DGLUCY: variants seen among roughly 807,000 people sequenced by gnomAD.
DGLUCY encodes the protein D-glutamate cyclase, also known as D-glutamate cyclase, mitochondrial.
DGLUCY carries 58 observed loss-of-function variants against 58.5 expected under a neutral mutation model. The observed-to-expected ratio is 0.99, with a 90% confidence interval of 0.80 to 1.23. The LOEUF (loss-of-function observed/expected upper bound fraction) is 1.23. DGLUCY is among the 50% of genes most tolerant of loss of function. The pLI is 0.00. For synonymous variants in DGLUCY, 325 were observed against 314.1 expected (o/e 1.03, Z -0.37); for missense variants, 779 against 784.7 (o/e 0.99, Z 0.09).
At chr14:91,154,951 G>A (rs1406572713) in intron 1 of DGLUCY, among the ~76,000 whole-genome samples, 3 of 152,036 alleles carry the variant, frequency 2.0e-5, no homozygotes, top group Non-Finnish European at 4.4e-5. Context: ...TCTGCAGCAC[G>A]GACAGCTGGT....
intron 1 of DGLUCY, among the ~76,000 whole-genome samples, chr14:91,097,638 T>C (rs2044416786): frequency 6.6e-6 from 1 of 150,990 alleles, no homozygotes; most frequent in Non-Finnish European, 1.5e-5. Flanking sequence ...TGACCCCATG[T>C]CTCTCTCTAC....
At chr14:91,067,796 C>T (rs2043848093) in intron 1 of DGLUCY, among the ~76,000 whole-genome samples, 1 of 152,096 alleles carries the variant, frequency 6.6e-6, no homozygotes. Context: ...GCAATCCACC[C>T]ACCTCGGCCT....
intron 1 of DGLUCY, among the ~76,000 whole-genome samples, chr14:91,139,127 G>A (rs2046506781): frequency 6.6e-6 from 1 of 152,112 alleles, no homozygotes; most frequent in Admixed American, 6.6e-5. Flanking sequence ...CTGCAAGCTG[G>A]AGATAAGGAC....
At chr14:91,171,060 C>A (rs2048550868) in intron 5 of DGLUCY, among the ~76,000 whole-genome samples, 1 of 152,126 alleles carries the variant, frequency 6.6e-6, no homozygotes, top group Admixed American at 6.6e-5. Context: ...GGGATGGGAC[C>A]CCAGCCACTG....
intron 1 of DGLUCY, among the ~76,000 whole-genome samples, chr14:91,096,919 C>T (rs1388868264): frequency 6.6e-6 from 1 of 152,214 alleles, no homozygotes; most frequent in Non-Finnish European, 1.5e-5. Context: ...GGGCATGCTG[C>T]CCATGAAACA....
chr14:91,199,690 G>A (rs2050433712), intron 10 of DGLUCY, 67 bp from the exon 11 acceptor site: 1 of 1,557,474 alleles, frequency 6.4e-7, no homozygotes, highest in Non-Finnish European at 8.8e-7. Context: ...ACACAAGAAG[G>A]CATGACCCAG....
At chr14:91,128,066 C>T (rs112365528) in intron 1 of DGLUCY, among the ~76,000 whole-genome samples, 6,305 of 152,114 alleles carry the variant, frequency 0.041, 156 homozygotes, top group Middle Eastern at 0.068. Flanking sequence ...GGAGACCCCA[C>T]CTTACACCCA....
intron 12 of DGLUCY, among the ~76,000 whole-genome samples, chr14:91,210,137 G>A (rs981201929): frequency 6.6e-6 from 1 of 152,008 alleles, no homozygotes; most frequent in Non-Finnish European, 1.5e-5. Context: ...ATCTCTACAG[G>A]CAAATGCCTG....
chr14:91,067,599 A>G lies in DGLUCY; in HGVS notation c.-82+6895A>G, dbSNP rs549191204. Among the ~76,000 whole-genome samples, 21 of 151,658 alleles carry G rather than the reference A, an allele frequency of 1.4e-4. No individual in the cohort carries two copies. The East Asian group carries it at 3.5e-3, about 25-fold the overall frequency. ...GGCCTTACTCTGTTCCACAGACCAG[A>G]GTGTAATGGCACGATCTCGGCTCAC... is the stretch of plus-strand genomic sequence containing the variant. On this transcript the variant is annotated intron_variant, in intron 1 of 4. Coordinates refer to the DGLUCY transcript ENST00000521334.
chr14:91,125,203 A>G (rs922462926), intron 1 of DGLUCY, among the ~76,000 whole-genome samples: 11 of 152,160 alleles, frequency 7.2e-5, no homozygotes, highest in Admixed American at 7.2e-4. Context: ...TGGCGAGTGT[A>G]CCCTTTCTGC....
At chr14:91,074,310 A>ATATAT (rs1225889333) in intron 1 of DGLUCY, among the ~76,000 whole-genome samples, 4 of 138,092 alleles carry the variant, frequency 2.9e-5, no homozygotes, top group Non-Finnish European at 6.2e-5. Context: ...AAAAAAAAAA[A>ATATAT]AAATATATAT....
In DGLUCY at chr14:91,203,943, C is replaced by T. The variant is rs1309724310; in HGVS notation, c.1445-763C>T. 2.6e-5 allele frequency among the ~76,000 whole-genome samples: 4 copies of T among 152,182 alleles called. No individual in the cohort carries two copies. The South Asian group carries it at 6.2e-4, about 24-fold the overall frequency. On this transcript the variant is annotated intron_variant, in intron 11 of 13. Transcript: ENST00000256324. ...CTCCCTGCCTTGGCCTCCCAAAGTG[C>T]TGGGATTACAGGCATGAGCCACTGC... is the stretch of plus-strand genomic sequence containing the variant.
Position 91,160,400 on chromosome 14 carries a change from A to C in DGLUCY, c.103+3A>C. On this transcript the variant is annotated splice_donor_region_variant and intron_variant, in intron 3 of 13. Transcript: ENST00000256324. ...AAATACATCCAGCATGGCTGGAGGT[A>C]AGTGGTGCCAGATAGTTAAAAAAAA... The C allele has an allele frequency of 9.4e-7, 1 of 1,062,482 alleles. No homozygotes were observed. Among genetic ancestry groups the C allele is most frequent in the Non-Finnish European group, 1.4e-6 (1 of 700,524 alleles). 65.8% of individuals were successfully genotyped at this position (1,062,482 alleles called of 1,614,324 possible).
chr14:91,179,293 A>G (rs1232895493), intron 7 of DGLUCY, among the ~76,000 whole-genome samples: 1 of 152,066 alleles, frequency 6.6e-6, no homozygotes, highest in Non-Finnish European at 1.5e-5. Flanking sequence ...GTAAGATACT[A>G]CGTGGTTCAG....
chr14:91,199,366 T>C (rs2050411382), intron 10 of DGLUCY, among the ~76,000 whole-genome samples: 2 of 152,024 alleles, frequency 1.3e-5, no homozygotes, highest in Admixed American at 1.3e-4. Flanking sequence ...TTCAAGTGAT[T>C]CTTCTGCATC....
At chr14:91,181,067 G>A (rs2140454182) in intron 7 of DGLUCY, 119 bp from the exon 8 acceptor site, 1 of 835,056 alleles carries the variant, frequency 1.2e-6, no homozygotes, top group Non-Finnish European at 1.9e-6. Flanking sequence ...GGTGGTATAG[G>A]GAGTGCTTAG....
upstream of DGLUCY, among the ~76,000 whole-genome samples, chr14:91,105,044 G>A (rs74368745): frequency 0.012 from 1,790 of 152,264 alleles, 27 homozygotes; most frequent in African/African-American, 0.04. Flanking sequence ...GCTGGGCATT[G>A]TAGCTCACGC....
chr14:91,182,994 T>G (rs1018454801), intron 8 of DGLUCY, among the ~76,000 whole-genome samples: 1 of 151,578 alleles, frequency 6.6e-6, no homozygotes, highest in South Asian at 2.1e-4. Flanking sequence ...ATTTATTTTA[T>G]TTTATTTTAT....
At chr14:91,187,858 T>C (rs2049617633) in intron 8 of DGLUCY, among the ~76,000 whole-genome samples, 2 of 152,180 alleles carry the variant, frequency 1.3e-5, no homozygotes, top group Admixed American at 1.3e-4. Flanking sequence ...TGTTTTTTTT[T>C]CCGCTTTCCC....
Sources: gnomAD v4.1 joint callset for allele counts (sites outside exome capture counted in the v4.1 genomes callset) on GRCh38, gnomAD v4.1.1 for gene constraint, MANE v1.5 for transcripts, NCBI Gene and HGNC (gene_info 2026-07-23, HGNC 2026-07-21) for gene names.